The following MAP3K13 variants were observed in gnomAD, a reference collection of about 807,000 sequenced individuals.
MAP3K13 encodes the protein mitogen-activated protein kinase kinase kinase 13.
A neutral mutation model predicts 104.0 loss-of-function variants in MAP3K13; 52 were observed. The ratio of observed to expected loss-of-function variants is 0.50; its 90% CI spans 0.40 to 0.63. The LOEUF (loss-of-function observed/expected upper bound fraction) is 0.63, where lower values mean the gene tolerates loss of function less well. Among genes scored for constraint, MAP3K13 ranks in the 20% least tolerant of loss-of-function variants. The pLI is 0.00. For missense variants in MAP3K13, 914 were observed against 1,218.5 expected, an observed-to-expected ratio of 0.75 and a Z score of 3.72; for synonymous variants, 394 against 442.2, an observed-to-expected ratio of 0.89 and a Z score of 1.37.
chr3:185,449,763 GT>G, intron 5 of MAP3K13, 136 bp from the exon 6 acceptor site: 1 of 613,470 alleles, frequency 1.6e-6, no homozygotes. Context: ...TGTCCCAGAT[GT>G]TTCTGTTTTT....
chr3:185,375,985 G>C (rs1326081198), intron 1 of MAP3K13, among the ~76,000 whole-genome samples: 1 of 152,204 alleles, frequency 6.6e-6, no homozygotes, highest in Non-Finnish European at 1.5e-5. Flanking sequence ...AGGTAGTGGA[G>C]GGGGGCAGAG....
At chr3:185,465,694 C>A in intron 8 of MAP3K13, 53 bp from the exon 9 acceptor site, 1 of 1,300,726 alleles carries the variant, frequency 7.7e-7, no homozygotes, top group African/African-American at 1.4e-5. Flanking sequence ...ATCAAGCGGA[C>A]TTTTTTCTCC....
intron 1 of MAP3K13, among the ~76,000 whole-genome samples, chr3:185,417,061 G>A (rs990476858): frequency 6.6e-6 from 1 of 152,016 alleles, no homozygotes; most frequent in African/African-American, 2.4e-5. Flanking sequence ...CCAAAAAAGA[G>A]AGGAAATGGT....
At chr3:185,397,845 G>A (rs906725233) in intron 1 of MAP3K13, among the ~76,000 whole-genome samples, 2 of 152,108 alleles carry the variant, frequency 1.3e-5, no homozygotes, top group African/African-American at 2.4e-5. Flanking sequence ...GTTGGTTCCC[G>A]GCCTGTCAGT....
Position 185,330,046 on chromosome 3 carries a change from A to ATTTTTTTTTTTT in MAP3K13, c.-86+44428_-86+44439dup, listed in dbSNP as rs548813356. 4.2e-4 allele frequency among the ~76,000 whole-genome samples: 41 copies of ATTTTTTTTTTTT among 98,266 alleles called. 2 individuals are homozygous for ATTTTTTTTTTTT. Among genetic ancestry groups the ATTTTTTTTTTTT allele is most frequent in the African/African-American group, 1.6e-3 (36 of 22,804 alleles). The allele number at this position is 98,266 out of a possible 152,430, so 64.5% of individuals were successfully genotyped here. A position where few individuals can be genotyped will look rare whatever the true frequency, so the allele number is the denominator to read the frequency against. The stretch of plus-strand genomic sequence containing the variant: ...AGGCGCCCGCCACCATGCCTGGCTA[A>ATTTTTTTTTTTT]TTTTTTTTTTTTTTTTTTTTTTTTT... On this transcript the variant is annotated intron_variant, in intron 2 of 14. Transcript: ENST00000424227.
At chr3:185,417,929 A>G (rs879102718) in intron 1 of MAP3K13, 10 of 1,604,842 alleles carry the variant, frequency 6.2e-6, no homozygotes, top group South Asian at 1.1e-5. Context: ...GTATTAATCA[A>G]CTTGTGCATG....
intron 2 of MAP3K13, among the ~76,000 whole-genome samples, chr3:185,435,345 G>C (rs1714975214): frequency 6.6e-6 from 1 of 152,008 alleles, no homozygotes; most frequent in African/African-American, 2.4e-5. Flanking sequence ...CCCCTAATGA[G>C]GAAAACTATC....
intron 1 of MAP3K13, among the ~76,000 whole-genome samples, chr3:185,382,333 T>G (rs1490100496): frequency 6.6e-6 from 1 of 152,188 alleles, no homozygotes. Context: ...TCAAAATATC[T>G]TACTCATCTA....
chr3:185,353,268 C>T (rs1457589638), intron 2 of MAP3K13, among the ~76,000 whole-genome samples: 1 of 152,122 alleles, frequency 6.6e-6, no homozygotes, highest in African/African-American at 2.4e-5. Context: ...AACTTGGCAG[C>T]CCCCAGAATC....
At chr3:185,302,965 G>A (rs1721160753) in intron 2 of MAP3K13, among the ~76,000 whole-genome samples, 1 of 152,178 alleles carries the variant, frequency 6.6e-6, no homozygotes. Context: ...GACATTGGCT[G>A]TGGACTTTTC....
intron 2 of MAP3K13, among the ~76,000 whole-genome samples, chr3:185,307,546 C>CCCCCCCCCCCCCCCCCCCCCCCCA (rs58408265): frequency 7.4e-4 from 77 of 104,028 alleles, no homozygotes; most frequent in South Asian, 1.9e-3. Flanking sequence ...GCACCACCCC[C>CCCCCCCCCCCCCCCCCCCCCCCCA]TCCCCCGCCA....
In MAP3K13 at chr3:185,466,925, G is replaced by A. The variant is rs1218627428; in HGVS notation, c.1605G>A (p.Arg535=). 6.2e-7 allele frequency: 1 copy of A among 1,613,834 alleles called. No homozygotes were observed. Among genetic ancestry groups the A allele is most frequent in the Non-Finnish European group, 8.5e-7 (1 of 1,179,870 alleles). Residue 535 remains arginine (R), a synonymous_variant, in exon 10 of 14, where the codon AGG becomes AGA. Coordinates refer to ENST00000265026, the MANE Select transcript of MAP3K13 (RefSeq NM_004721.5). Reference sequence around the variant, plus strand: ...ATGCCATGGAGAAACTCATGAAAAGGAAAGGAGTGCCTCACAAATCTGGGA... The same window carrying A: ...ATGCCATGGAGAAACTCATGAAAAGAAAAGGAGTGCCTCACAAATCTGGGA... ...HPNAMEKLMK[R]KGVPHKSGMQ...
chr3:185,314,949 T>C (rs766307632), intron 2 of MAP3K13, among the ~76,000 whole-genome samples: 3 of 152,008 alleles, frequency 2.0e-5, no homozygotes, highest in Non-Finnish European at 4.4e-5. Flanking sequence ...CCACAATTTT[T>C]AAAAAATAAC....
intron 2 of MAP3K13, among the ~76,000 whole-genome samples, chr3:185,357,447 T>TAAAAAAAAAAAAAAAAAAAAA (rs71162295): frequency 2.2e-4 from 20 of 91,366 alleles, no homozygotes; most frequent in Admixed American, 5.1e-4. Context: ...AAACTCCATC[T>TAAAAAAAAAAAAAAAAAAAAA]AAAAAAAAAA....
chr3:185,477,474 A>T, intron 12 of MAP3K13, 78 bp downstream of exon 12: 2 of 1,041,110 alleles, frequency 1.9e-6, no homozygotes, highest in Non-Finnish European at 3.0e-6. Flanking sequence ...CCTGCTCTTC[A>T]ACCACAGGTG....
intron 1 of MAP3K13, among the ~76,000 whole-genome samples, chr3:185,381,225 G>A (rs925315757): frequency 6.6e-6 from 1 of 152,184 alleles, no homozygotes; most frequent in Admixed American, 6.5e-5. Flanking sequence ...GCCTCCCAAA[G>A]TGCTAGGATT....
chr3:185,482,834 AAG>A lies in MAP3K13; in HGVS notation c.*380_*381del, dbSNP rs1718543399. 4.2e-6 allele frequency: 1 copy of A among 235,664 alleles called. No homozygotes were observed. Among genetic ancestry groups the A allele is most frequent in the Non-Finnish European group, 8.3e-6 (1 of 119,980 alleles). The allele number at this position is 235,664 out of a possible 1,614,324, so 14.6% of individuals were successfully genotyped here. A position where few individuals can be genotyped will look rare whatever the true frequency, so the allele number is the denominator to read the frequency against. On this transcript the variant is annotated 3_prime_UTR_variant, in exon 14 of 14. Transcript: ENST00000265026. This position sits in a 1 kb window ranked among gnomAD's most constrained non-coding sequence, Gnocchi z 4.5. ...TGCAAAAAAAAAAAGAGATAAAAGA[AAG>A]AACAGAAAAAAAGAAATAAGTGGAA...
At chr3:185,285,330 T>C (rs1464254146) in intron 1 of MAP3K13, 1 of 265,392 alleles carries the variant, frequency 3.8e-6, no homozygotes, top group Non-Finnish European at 7.3e-6. Flanking sequence ...TTAATATTAT[T>C]GTCTTACTTA....
rs184497930 is a variant in MAP3K13, at chr3:185,368,799, A to C, written c.-86+5431A>C. 4.5e-4 allele frequency among the ~76,000 whole-genome samples: 69 copies of C among 152,224 alleles called. 1 individual carries two copies. Among genetic ancestry groups the C allele is most frequent in the Admixed American group, 3.1e-3 (47 of 15,304 alleles). Reference sequence around the variant, plus strand: ...CGGAGAAACCCTGTCTCTACTAAAAATACAAAAAAATTAGCCAGGCATGGT... The same window carrying C: ...CGGAGAAACCCTGTCTCTACTAAAACTACAAAAAAATTAGCCAGGCATGGT... On this transcript the variant is annotated intron_variant, in intron 1 of 13. Transcript: ENST00000265026.
Sources: allele counts gnomAD v4.1 joint callset (sites outside exome capture counted in the v4.1 genomes callset), GRCh38; gene constraint gnomAD v4.1.1; non-coding constraint Gnocchi (gnomAD v3.1); transcripts MANE v1.5; gene names NCBI Gene and HGNC (gene_info 2026-07-23, HGNC 2026-07-21).